The following IPO11 variants were observed in gnomAD, a reference collection of about 807,000 sequenced individuals.
The protein encoded by IPO11 is importin 11, also known as importin-11.
Under a neutral mutation model 143.2 loss-of-function variants are expected in IPO11, and 66 were observed. That is an observed-to-expected ratio of 0.46 (90% CI 0.38 to 0.57). The LOEUF (loss-of-function observed/expected upper bound fraction) is 0.57, where lower values mean the gene tolerates loss of function less well. Ranked by LOEUF, IPO11 falls within the 20% of genes least tolerant of loss-of-function variation. The probability of loss-of-function intolerance (pLI) is 0.00; values close to 1 mark genes in which losing one functional copy is unlikely to be tolerated. For missense variants in IPO11, 1,026 were observed against 1,141.0 expected (o/e 0.90, Z 1.45); for synonymous variants, 385 against 377.8 (o/e 1.02, Z -0.22).
intron 3 of IPO11, chr5:62,449,680 A>G (rs143172573): frequency 3.8e-4 from 113 of 295,492 alleles, no homozygotes; most frequent in African/African-American, 1.6e-3. Flanking sequence ...GTGCCAGTGT[A>G]CAAGTAATAG....
At chr5:62,443,626 G>A (rs1744591851) in intron 3 of IPO11, among the ~76,000 whole-genome samples, 1 of 150,804 alleles carries the variant, frequency 6.6e-6, no homozygotes, top group African/African-American at 2.5e-5. Context: ...TATAAGGTTA[G>A]GATTTGGAAG....
intron 18 of IPO11, among the ~76,000 whole-genome samples, chr5:62,505,548 A>T (rs1215246877): frequency 6.6e-6 from 1 of 152,112 alleles, no homozygotes; most frequent in Non-Finnish European, 1.5e-5. Flanking sequence ...TAATCACTAG[A>T]CATTTTTGGA....
chr5:62,497,895 T>C (rs1741211858), intron 16 of IPO11, among the ~76,000 whole-genome samples: 1 of 152,276 alleles, frequency 6.6e-6, no homozygotes, highest in African/African-American at 2.4e-5. Flanking sequence ...ATTCACTGAA[T>C]AATACGTAGT....
At chr5:62,418,170 T>G (rs1743370142) in intron 1 of IPO11, among the ~76,000 whole-genome samples, 1 of 151,962 alleles carries the variant, frequency 6.6e-6, no homozygotes, top group African/African-American at 2.4e-5. Flanking sequence ...CTAGTTTTTT[T>G]TTTTTTTTCT....
chr5:62,427,113 T>C lies in IPO11; in HGVS notation c.-6-10161T>C, dbSNP rs568189286. On this transcript the variant is annotated intron_variant, in intron 1 of 29. Transcript: ENST00000325324. ...CCACCACACCTGGCTCATTTTTTTG[T>C]ATTTTTAGTAGAGACAGAGTTCCAC... 1.8e-4 allele frequency among the ~76,000 whole-genome samples: 28 copies of C among 151,898 alleles called. 1 individual carries two copies. The highest frequency in any genetic ancestry group is 6.8e-4 in the African/African-American group (28 of 41,416).
chr5:62,425,581 G>T (rs962373826), intron 1 of IPO11, among the ~76,000 whole-genome samples: 2 of 152,068 alleles, frequency 1.3e-5, no homozygotes, highest in Non-Finnish European at 2.9e-5. Flanking sequence ...GCCTCCTAAA[G>T]TGCTGGGATT....
intron 20 of IPO11, among the ~76,000 whole-genome samples, chr5:62,519,007 G>C (rs1742121343): frequency 6.6e-6 from 1 of 152,162 alleles, no homozygotes; most frequent in South Asian, 2.1e-4. Context: ...ATTGCTATTG[G>C]GGGTACATGG....
Position 62,492,143 on chromosome 5 carries a change from A to G in IPO11, c.1464-1855A>G, listed in dbSNP as rs114952631. Among the ~76,000 whole-genome samples the G allele has an allele frequency of 6.8e-3, 1,037 of 152,340 alleles. 20 individuals carry two copies. Among genetic ancestry groups the G allele is most frequent in the African/African-American group, 0.024 (986 of 41,572 alleles). ...AAATCAAGCAATGCACACATTAAAT[A>G]GCAAAGTGATCTATACTTTTACTTC... is the stretch of plus-strand genomic sequence containing the variant. On this transcript the variant is annotated intron_variant, in intron 15 of 29. Coordinates refer to ENST00000325324, the MANE Select transcript of IPO11 (RefSeq NM_016338.5).
chr5:62,613,387 C>CT (rs1458066509), intron 29 of IPO11, among the ~76,000 whole-genome samples: 1 of 143,368 alleles, frequency 7.0e-6, no homozygotes, highest in Non-Finnish European at 1.5e-5. Flanking sequence ...ACTGCAACCT[C>CT]TATCTGATGG....
At chr5:62,603,554 G>A (rs545558982) in intron 29 of IPO11, among the ~76,000 whole-genome samples, 2 of 152,316 alleles carry the variant, frequency 1.3e-5, no homozygotes, top group South Asian at 2.1e-4. Flanking sequence ...GGTGCAAGAC[G>A]GGAACCAGTC....
At chr5:62,582,188 A>G (rs1284212870) in intron 27 of IPO11, among the ~76,000 whole-genome samples, 1 of 152,208 alleles carries the variant, frequency 6.6e-6, no homozygotes, top group Non-Finnish European at 1.5e-5. Context: ...TCTTTCTGGA[A>G]GGAACAATAA....
chr5:62,601,000 A>G (rs1342844095), intron 28 of IPO11, among the ~76,000 whole-genome samples: 1 of 152,218 alleles, frequency 6.6e-6, no homozygotes, highest in Non-Finnish European at 1.5e-5. Context: ...CTTCACCTGT[A>G]CTTGCTACAA....
At chr5:62,421,379 T>A (rs1243373986) in intron 1 of IPO11, among the ~76,000 whole-genome samples, 1 of 152,220 alleles carries the variant, frequency 6.6e-6, no homozygotes, top group Non-Finnish European at 1.5e-5. Flanking sequence ...GTAGTATAAT[T>A]CATTAGGCAG....
At chr5:62,490,260 C>T in intron 15 of IPO11, 40 bp downstream of exon 15, 1 of 1,298,760 alleles carries the variant, frequency 7.7e-7, no homozygotes, top group Non-Finnish European at 1.1e-6. Flanking sequence ...ACTTACTTTA[C>T]CTTATTTATT....
chr5:62,509,046 T>C (rs1056466094), intron 19 of IPO11, among the ~76,000 whole-genome samples: 1 of 152,210 alleles, frequency 6.6e-6, no homozygotes, highest in Non-Finnish European at 1.5e-5. Context: ...AATGTTGAAG[T>C]TTCAGTAAAG....
chr5:62,582,553 A>G (rs1372099541), intron 27 of IPO11, among the ~76,000 whole-genome samples: 1 of 152,222 alleles, frequency 6.6e-6, no homozygotes, highest in Non-Finnish European at 1.5e-5. Flanking sequence ...GTAAAGGCCA[A>G]TATTTCTTAA....
At chr5:62,550,244 A>T in intron 24 of IPO11, 123 bp from the exon 25 acceptor site, 1 of 633,880 alleles carries the variant, frequency 1.6e-6, no homozygotes, top group Non-Finnish European at 2.8e-6. Flanking sequence ...CATACCCTGC[A>T]TACGTGTATG....
At chr5:62,526,512 G>C (rs1028072872) in intron 21 of IPO11, 2 of 277,304 alleles carry the variant, frequency 7.2e-6, no homozygotes, top group Admixed American at 4.9e-5. Context: ...ATGTAATATG[G>C]GGTCATGGTA....
rs753325584 is a variant in IPO11 at position 62,487,806 on chromosome 5, T to C, written c.1254T>C (p.His418=). 1 of 1,608,700 alleles carries C rather than the reference T, an allele frequency of 6.2e-7. No individual in the cohort carries two copies. Among genetic ancestry groups the C allele is most frequent in the South Asian group, 1.1e-5 (1 of 89,606 alleles). Residue 418 remains histidine (H), a synonymous_variant, in exon 13 of 30, where the codon CAT becomes CAC. Transcript: ENST00000325324. Reference sequence around the variant, plus strand: ...AAGTATTATTTATAGATATATTCCATGAATATAATCAGACTCTTACTCCTG... The same window carrying C: ...AAGTATTATTTATAGATATATTCCACGAATATAATCAGACTCTTACTCCTG... ...CTEVLFIDIF[H]EYNQTLTPVL... is the part of the protein sequence containing the mutation.
Sources: allele counts gnomAD v4.1 joint callset (sites outside exome capture counted in the v4.1 genomes callset), GRCh38; gene constraint gnomAD v4.1.1; transcripts MANE v1.5; gene names NCBI Gene and HGNC (gene_info 2026-07-23, HGNC 2026-07-21).